The following DOCK6 variants were observed in gnomAD, a reference collection of about 807,000 sequenced individuals.
DOCK6 encodes the protein dedicator of cytokinesis 6.
DOCK6 carries 167 observed loss-of-function variants against 230.3 expected under a neutral mutation model. The ratio of observed to expected loss-of-function variants is 0.73; its 90% CI spans 0.64 to 0.82. DOCK6 has a LOEUF of 0.82. DOCK6 is among the 40% of genes least tolerant of loss of function. The probability of loss-of-function intolerance (pLI) is 0.00; values close to 1 mark genes in which losing one functional copy is unlikely to be tolerated. For missense variants in DOCK6, 2,598 were observed against 2,825.8 expected (o/e 0.92, Z 1.83); for synonymous variants, 1,148 against 1,185.0 (o/e 0.97, Z 0.64).
At chr19:11,223,927 G>A (rs539769257) in intron 24 of DOCK6, among the ~76,000 whole-genome samples, 39 of 152,120 alleles carry the variant, frequency 2.6e-4, no homozygotes, top group African/African-American at 9.2e-4. Flanking sequence ...GATTACAGGC[G>A]TGAGATACCG....
At chr19:11,231,063 G>A (rs1223837406) in intron 22 of DOCK6, among the ~76,000 whole-genome samples, 1 of 152,138 alleles carries the variant, frequency 6.6e-6, no homozygotes, top group Non-Finnish European at 1.5e-5. Flanking sequence ...CAGATTCCCA[G>A]CAATCCAAGG....
At chr19:11,211,154 C>A (rs1464859899) in intron 37 of DOCK6, among the ~76,000 whole-genome samples, 1 of 151,598 alleles carries the variant, frequency 6.6e-6, no homozygotes, top group East Asian at 1.9e-4. Flanking sequence ...CTTCACCCCC[C>A]TGCCCCACCT....
intron 4 of DOCK6, 71 bp from the exon 5 acceptor site, chr19:11,252,319 A>G: frequency 6.4e-7 from 1 of 1,565,722 alleles, no homozygotes. Context: ...GTGTTCTGAC[A>G]CACCTACATG....
Position 11,243,102 on chromosome 19 carries a change from C to T in DOCK6, c.1437G>A (p.Met479Ile), listed in dbSNP as rs374303238. The T allele has an allele frequency of 6.1e-5, 98 of 1,613,900 alleles. No individual in the cohort carries two copies. Among genetic ancestry groups the T allele is most frequent in the Non-Finnish European group, 7.5e-5 (89 of 1,179,910 alleles). ...GCCGCAGCAGGGACGACGGGCGCCT[C>T]ATGTCAGCCAGGAACTTGAAGAGGT... is the stretch of plus-strand genomic sequence containing the variant. ...DEDLFKFLAD[M>I]RRPSSLLRRL... Residue 479 changes from methionine to isoleucine, a missense_variant, in exon 13 of 48, where the codon ATG (methionine) becomes ATA (isoleucine). Met to Ile is a conservative substitution (Grantham distance 10, BLOSUM62 1). Transcript: ENST00000294618. This position sits in a 1 kb window ranked among gnomAD's most constrained non-coding sequence, Gnocchi z 6.3.
chr19:11,242,752 G>A (rs2079966768), intron 13 of DOCK6, among the ~76,000 whole-genome samples: 1 of 151,994 alleles, frequency 6.6e-6, no homozygotes, highest in Non-Finnish European at 1.5e-5. Context: ...GCCTCCCAAA[G>A]TGTTGGCGTT....
chr19:11,237,240 C>T, intron 18 of DOCK6: 1 of 618,198 alleles, frequency 1.6e-6, no homozygotes. Context: ...GTCAGGGTGG[C>T]TAAAGTGGGA....
intron 1 of DOCK6, among the ~76,000 whole-genome samples, chr19:11,259,539 GA>G (rs1180053991): frequency 7.1e-6 from 1 of 141,174 alleles, no homozygotes; most frequent in Non-Finnish European, 1.5e-5. Flanking sequence ...CCCCTCCAAT[GA>G]ATCATTATTT....
chr19:11,246,804 AG>A (rs1334772702), intron 7 of DOCK6, among the ~76,000 whole-genome samples: 1 of 152,108 alleles, frequency 6.6e-6, no homozygotes, highest in African/African-American at 2.4e-5. Context: ...CCACCATAAA[AG>A]TCCTTCCCTG....
Position 11,222,468 on chromosome 19 carries a change from A to C in DOCK6, c.3241-220T>G. ...TGTGATGTAACAGGGCACGGAGTCA[A>C]AAGTCAGAGGACTGAGAAATAGCAG... is the stretch of plus-strand genomic sequence containing the variant. On this transcript the variant is annotated intron_variant, in intron 26 of 47. Coordinates refer to ENST00000294618, the MANE Select transcript of DOCK6 (RefSeq NM_020812.4). This position sits in a 1 kb window ranked among gnomAD's most constrained non-coding sequence, Gnocchi z 4.0. 1 of 751,782 alleles carries C rather than the reference A, an allele frequency of 1.3e-6. No individual in the cohort carries two copies. The highest frequency in any genetic ancestry group is 2.1e-6 in the Non-Finnish European group (1 of 476,960). 46.6% of individuals were successfully genotyped at this position (751,782 alleles called of 1,614,324 possible). A position where few individuals can be genotyped will look rare whatever the true frequency, so the allele number is the denominator to read the frequency against.
At chr19:11,229,924 G>A (rs2079736514) in intron 22 of DOCK6, among the ~76,000 whole-genome samples, 1 of 151,502 alleles carries the variant, frequency 6.6e-6, no homozygotes, top group Non-Finnish European at 1.5e-5. Context: ...TGTGCCTGTA[G>A]TCCCAGCTGC....
intron 14 of DOCK6, chr19:11,241,615 G>C: frequency 1.3e-6 from 2 of 1,561,650 alleles, no homozygotes; most frequent in Non-Finnish European, 8.7e-7. Context: ...AGGGCAGCTG[G>C]AAAGGGGCCC....
At chr19:11,241,506 G>A (rs1383647110) in intron 14 of DOCK6, 5 of 1,552,868 alleles carry the variant, frequency 3.2e-6, no homozygotes, top group Non-Finnish European at 4.4e-6. Context: ...CAGCGGCAGA[G>A]GCGGGAGATG....
chr19:11,213,593 G>A (rs539505151), intron 34 of DOCK6, among the ~76,000 whole-genome samples: 4 of 151,708 alleles, frequency 2.6e-5, no homozygotes, highest in Non-Finnish European at 5.9e-5. Context: ...CACACAGTAA[G>A]TGCTCAATGA....
At chr19:11,228,871 C>T (rs1189926647) in intron 23 of DOCK6, 69 bp downstream of exon 23, 3 of 1,512,072 alleles carry the variant, frequency 2.0e-6, no homozygotes, top group Non-Finnish European at 2.7e-6. Context: ...CAGGGGGCTT[C>T]TCTCTTTAAA....
In DOCK6 at chr19:11,236,844, G is replaced by T. The variant is rs1287337781; in HGVS notation, c.2109C>A (p.His703Gln). 6.4e-7 allele frequency: 1 copy of T among 1,555,896 alleles called. No homozygotes were observed. The highest frequency in any genetic ancestry group is 1.2e-5 in the South Asian group (1 of 84,252). Residue 703 changes from histidine to glutamine, a missense_variant, in exon 19 of 48, where the codon CAC becomes CAA. Transcript: ENST00000294618. This position sits in a 1 kb window ranked among gnomAD's most constrained non-coding sequence, Gnocchi z 5.2. ...TGAGCTCCACACTGAACACGCCCTT[G>T]TGACCGTCCACCCAGCGCATGCCCG... ...ALPGMRWVDG[H>Q]KGVFSVELTA...
rs763164161 is a variant in DOCK6, at chr19:11,242,130, G to T, written c.1558C>A (p.Pro520Thr). 1.3e-6 allele frequency: 2 copies of T among 1,507,962 alleles called. No homozygotes were observed. The highest frequency in any genetic ancestry group is 1.8e-6 in the Non-Finnish European group (2 of 1,130,994). The allele number at this position is 1,507,962 out of a possible 1,614,324, so 93.4% of individuals were successfully genotyped here. ...CLSPELLHIK[P>T]YPDPRGRPTK... is the part of the protein sequence containing the mutation. The stretch of plus-strand genomic sequence containing the variant: ...GGCCGGCCCCTGGGGTCCGGGTAGG[G>T]CTTGATATGAAGCAGCTCAGGGGAG... The change falls in exon 14 of 48, where the codon CCC becomes ACC. Residue 520 changes from proline to threonine, a missense_variant. Physicochemically the swap from Pro to Thr is conservative, Grantham distance 38. Transcript: ENST00000294618.
chr19:11,236,919 C>G lies in DOCK6; in HGVS notation c.2074-40G>C. On this transcript the variant is annotated intron_variant, in intron 18 of 47. Transcript: ENST00000294618. This position sits in a 1 kb window ranked among gnomAD's most constrained non-coding sequence, Gnocchi z 5.2. ...CACCAGGTGGGCACTGGTCAGCCCT[C>G]CCTGACTGATCAGGTCACCCAGCGG... The G allele has an allele frequency of 6.5e-7, 1 of 1,533,204 alleles. No individual in the cohort carries two copies. The highest frequency in any genetic ancestry group is 8.8e-7 in the Non-Finnish European group (1 of 1,135,692). 95.0% of individuals were successfully genotyped at this position (1,533,204 alleles called of 1,614,324 possible). A position where few individuals can be genotyped will look rare whatever the true frequency, so the allele number is the denominator to read the frequency against.
chr19:11,204,327 C>T lies in DOCK6; in HGVS notation c.5093G>A (p.Gly1698Glu). The stretch of plus-strand genomic sequence containing the variant: ...GACCTCATTCACCGCCTCGTAGAGC[C>T]CGCCCTGAGGGTGAGGTGGGGTCAG... ...EQAAGYFTMGGLYEAVNEVYK... is the reference protein window; with the variant it reads ...EQAAGYFTMGELYEAVNEVYK... The change falls in exon 40 of 48, where the codon GGG (glycine) becomes GAG (glutamate). Residue 1698 changes from glycine (G) to glutamate (E), a missense_variant. Coordinates refer to ENST00000294618, the MANE Select transcript of DOCK6 (RefSeq NM_020812.4). 1 of 1,611,514 alleles carries T rather than the reference C, an allele frequency of 6.2e-7. No homozygotes were observed. The highest frequency in any genetic ancestry group is 8.5e-7 in the Non-Finnish European group (1 of 1,178,720).
chr19:11,216,145 G>A, intron 30 of DOCK6: 1 of 410,168 alleles, frequency 2.4e-6, no homozygotes, highest in Non-Finnish European at 4.3e-6. Flanking sequence ...AGGGTGAAGA[G>A]CAGTGGCATG....
Sources: gnomAD v4.1 joint callset for allele counts (sites outside exome capture counted in the v4.1 genomes callset) on GRCh38, gnomAD v4.1.1 for gene constraint, Gnocchi (gnomAD v3.1) non-coding constraint, MANE v1.5 for transcripts, NCBI Gene and HGNC (gene_info 2026-07-23, HGNC 2026-07-21) for gene names.